PTPN1: variants seen among roughly 807,000 people sequenced by gnomAD.
The protein encoded by PTPN1 is tyrosine-protein phosphatase non-receptor type 1.
Under a neutral mutation model 59.9 loss-of-function variants are expected in PTPN1, and 12 were observed. The observed-to-expected ratio is 0.20, with a 90% CI of 0.13 to 0.32. The LOEUF is 0.32. Ranked by LOEUF, PTPN1 falls within the 10% of genes least tolerant of loss-of-function variation. PTPN1 has a pLI of 1.00. For synonymous variants in PTPN1, 178 were observed against 203.6 expected, an observed-to-expected ratio of 0.87 and a Z score of 1.07; for missense variants, 356 against 549.2, an observed-to-expected ratio of 0.65 and a Z score of 3.52.
chr20:50,553,773 A>C (rs1390662933), intron 1 of PTPN1, among the ~76,000 whole-genome samples: 1 of 152,240 alleles, frequency 6.6e-6, no homozygotes, highest in East Asian at 1.9e-4. Context: ...AAAGAAAAAC[A>C]ACATAATGAG....
At chr20:50,516,745 C>G (rs1014428140) in intron 1 of PTPN1, among the ~76,000 whole-genome samples, 1 of 152,138 alleles carries the variant, frequency 6.6e-6, no homozygotes, top group Non-Finnish European at 1.5e-5. Context: ...TCTCAAGTAG[C>G]AATTGGGTGG....
intron 5 of PTPN1, among the ~76,000 whole-genome samples, chr20:50,575,199 G>C (rs2082829905): frequency 6.6e-6 from 1 of 152,226 alleles, no homozygotes; most frequent in African/African-American, 2.4e-5. Flanking sequence ...TGAACGCGCT[G>C]CTCCTGGGGC....
chr20:50,549,304 A>C (rs1467569623), intron 1 of PTPN1, among the ~76,000 whole-genome samples: 1 of 152,032 alleles, frequency 6.6e-6, no homozygotes, highest in Non-Finnish European at 1.5e-5. Flanking sequence ...AAGCAGCCCC[A>C]CCCTCTCCAC....
Position 50,568,519 on chromosome 20 carries a change from A to G in PTPN1, c.354+41A>G. ...ATTTGCTGTGTATGTGATCATGCAT[A>G]CCACTCCATATAGTTACCATTTTCG... On this transcript the variant is annotated intron_variant, in intron 4 of 9. Coordinates refer to ENST00000371621, the MANE Select transcript of PTPN1 (RefSeq NM_002827.4). The surrounding 1 kb of genome is among the most constrained non-coding windows in gnomAD (Gnocchi z 5.6). 1 of 1,449,282 alleles carries G rather than the reference A, an allele frequency of 6.9e-7. No individual in the cohort carries two copies. The highest frequency in any genetic ancestry group is 2.3e-5 in the East Asian group (1 of 44,102). 89.8% of individuals were successfully genotyped at this position (1,449,282 alleles called of 1,614,324 possible).
chr20:50,581,471 A>G lies in PTPN1; in HGVS notation c.1284+11A>G. ...TACCTCTGCTACAGGGTATGTTTCC[A>G]CTGACAGACGCGCTGGCGAGATGCT... On this transcript the variant is annotated intron_variant, in intron 9 of 9. Coordinates refer to ENST00000371621, the MANE Select transcript of PTPN1 (RefSeq NM_002827.4). 1 of 1,590,920 alleles carries G rather than the reference A, an allele frequency of 6.3e-7. No individual in the cohort carries two copies. Among genetic ancestry groups the G allele is most frequent in the African/African-American group, 1.3e-5 (1 of 74,608 alleles).
chr20:50,526,102 C>T (rs1158765154), intron 1 of PTPN1, among the ~76,000 whole-genome samples: 3 of 152,042 alleles, frequency 2.0e-5, no homozygotes, highest in Middle Eastern at 3.4e-3. Context: ...TGTGTGTGTG[C>T]GCGTGCAGAT....
chr20:50,543,575 C>G (rs1172182279), intron 1 of PTPN1, among the ~76,000 whole-genome samples: 1 of 152,096 alleles, frequency 6.6e-6, no homozygotes, highest in Non-Finnish European at 1.5e-5. Flanking sequence ...TACACAAACA[C>G]AAAGAAGACA....
intron 1 of PTPN1, among the ~76,000 whole-genome samples, chr20:50,545,205 G>A (rs758429393): frequency 6.6e-6 from 1 of 151,778 alleles, no homozygotes; most frequent in Non-Finnish European, 1.5e-5. Context: ...ATCCTTCTAC[G>A]TCAGCCCCCC....
At chr20:50,536,807 C>T (rs1466518128) in intron 1 of PTPN1, among the ~76,000 whole-genome samples, 3 of 151,840 alleles carry the variant, frequency 2.0e-5, no homozygotes, top group Admixed American at 1.3e-4. Flanking sequence ...TTTACATGTC[C>T]CAAGTCTTGA....
At chr20:50,557,099 C>T (rs1017329387) in intron 1 of PTPN1, among the ~76,000 whole-genome samples, 3 of 152,108 alleles carry the variant, frequency 2.0e-5, no homozygotes, top group African/African-American at 4.8e-5. Flanking sequence ...GTTTGCTGTC[C>T]CCACCTCAGA....
rs564382626 is a variant in PTPN1 at position 50,517,240 on chromosome 20, C to A, written c.63+6650C>A. On this transcript the variant is annotated intron_variant, in intron 1 of 9. Transcript: ENST00000371621. ...CAAGTACTTATAAATGATTTTCAGT[C>A]CTTTTAAAGTTTATTTTTTTAATAT... Among the ~76,000 whole-genome samples the A allele has an allele frequency of 1.1e-4, 16 of 152,202 alleles. No individual in the cohort carries two copies. In the South Asian group the frequency reaches 3.3e-3, roughly 32 times the overall value.
chr20:50,581,362 G>A lies in PTPN1; in HGVS notation c.1186G>A (p.Glu396Lys), dbSNP rs769020982. The A allele has an allele frequency of 2.0e-5, 32 of 1,614,022 alleles. No homozygotes were observed. The highest frequency in any genetic ancestry group is 8.8e-5 in the South Asian group (8 of 91,084). ...AGCCAAAGGGGAGCCGTCACTGCCC[G>A]AGAAGGACGAGGACCATGCACTGAG... ...SPAKGEPSLPEKDEDHALSYW... is the reference protein window; with the variant it reads ...SPAKGEPSLPKKDEDHALSYW... The change falls in exon 9 of 10, where the codon GAG becomes AAG. Residue 396 changes from glutamate (E) to lysine (K), a missense_variant. Glu to Lys is a moderately conservative substitution (Grantham distance 56). Around this residue, in one of 3 missense-constraint regions of PTPN1, gnomAD observed 62 missense variants for 97.2 expected, o/e 0.64. Transcript: ENST00000371621.
chr20:50,513,735 C>A (rs562732963), intron 1 of PTPN1, among the ~76,000 whole-genome samples: 70 of 152,234 alleles, frequency 4.6e-4, no homozygotes, highest in African/African-American at 1.6e-3. Flanking sequence ...CAATAGTTCA[C>A]TAAAATTCCT....
chr20:50,565,967 T>C (rs559320395), intron 3 of PTPN1, among the ~76,000 whole-genome samples: 6 of 152,360 alleles, frequency 3.9e-5, no homozygotes, highest in African/African-American at 1.4e-4. Context: ...CTTTCTTCAC[T>C]GCCTTTTTGT....
At chr20:50,561,605 G>A in intron 2 of PTPN1, 152 bp downstream of exon 2, 1 of 518,230 alleles carries the variant, frequency 1.9e-6, no homozygotes, top group Non-Finnish European at 3.4e-6. Context: ...AGGCATTAGA[G>A]ACTTATAGTA....
At chr20:50,524,536 AATGATGTTGGCTGGTTTATCCC>A (rs1238802883) in intron 1 of PTPN1, among the ~76,000 whole-genome samples, 1 of 138,864 alleles carries the variant, frequency 7.2e-6, no homozygotes, top group African/African-American at 2.8e-5. Flanking sequence ...GGATATTTTC[AATGATGTTGGCTGGTTTATCCC>A]ATTATGTGGT....
In PTPN1 at chr20:50,582,584, C is replaced by T; in HGVS notation, c.1285-108C>T. The T allele has an allele frequency of 8.8e-7, 1 of 1,132,086 alleles. No individual in the cohort carries two copies. Among genetic ancestry groups the T allele is most frequent in the East Asian group, 2.5e-5 (1 of 39,856 alleles). The allele number at this position is 1,132,086 out of a possible 1,614,324, so 70.1% of individuals were successfully genotyped here. On this transcript the variant is annotated intron_variant, in intron 9 of 9. Coordinates refer to ENST00000371621, the MANE Select transcript of PTPN1 (RefSeq NM_002827.4). The surrounding 1 kb of genome is among the most constrained non-coding windows in gnomAD (Gnocchi z 4.2). The stretch of plus-strand genomic sequence containing the variant: ...AAAAATAAAACCAAAACCCCCTTTG[C>T]TCCCTCGGAGGTTGAAGTTGCCGGG...
chr20:50,547,604 C>T (rs925367104), intron 1 of PTPN1, among the ~76,000 whole-genome samples: 1 of 152,090 alleles, frequency 6.6e-6, no homozygotes, highest in Non-Finnish European at 1.5e-5. Context: ...CCTTGTGATC[C>T]GCCTGCCTCG....
intron 1 of PTPN1, among the ~76,000 whole-genome samples, chr20:50,556,505 AGTT>A (rs1338599115): frequency 6.6e-6 from 1 of 152,128 alleles, no homozygotes; most frequent in Admixed American, 6.5e-5. Context: ...TTCTGTTATT[AGTT>A]GTTCTCTAGT....
Sources: gnomAD v4.1 joint callset for allele counts (sites outside exome capture counted in the v4.1 genomes callset) on GRCh38, gnomAD v4.1.1 for gene constraint, gnomAD v4.1.1 regional missense constraint, Gnocchi (gnomAD v3.1) non-coding constraint, MANE v1.5 for transcripts, NCBI Gene and HGNC (gene_info 2026-07-23, HGNC 2026-07-21) for gene names.